The following PTPRT variants were observed in gnomAD, a reference collection of about 807,000 sequenced individuals.
PTPRT encodes protein tyrosine phosphatase receptor type T.
A neutral mutation model predicts 176.8 loss-of-function variants in PTPRT; 56 were observed. That is an observed-to-expected ratio of 0.32 (90% CI 0.26 to 0.40). The LOEUF is 0.40. Among genes scored for constraint, PTPRT ranks in the 10% least tolerant of loss-of-function variants. PTPRT has a pLI of 1.00. For missense variants in PTPRT, 1,540 were observed against 1,908.2 expected, an observed-to-expected ratio of 0.81 and a Z score of 3.60; for synonymous variants, 783 against 739.0, an observed-to-expected ratio of 1.06 and a Z score of -0.96.
chr20:42,347,535 C>T (rs1377311327), intron 11 of PTPRT, among the ~76,000 whole-genome samples: 1 of 152,174 alleles, frequency 6.6e-6, no homozygotes, highest in African/African-American at 2.4e-5. Context: ...CCGAGCACAC[C>T]AGATGCACCA....
At chr20:42,259,562 G>A (rs1432518730) in intron 13 of PTPRT, among the ~76,000 whole-genome samples, 1 of 152,232 alleles carries the variant, frequency 6.6e-6, no homozygotes, top group Non-Finnish European at 1.5e-5. Context: ...AGAGGATTCA[G>A]TCTGTGGTAA....
chr20:42,584,466 C>T (rs1168499327), intron 7 of PTPRT, among the ~76,000 whole-genome samples: 1 of 152,146 alleles, frequency 6.6e-6, no homozygotes, highest in Non-Finnish European at 1.5e-5. Context: ...GGCATGGTCC[C>T]TGGCTTCATG....
intron 1 of PTPRT, among the ~76,000 whole-genome samples, chr20:42,973,164 A>C (rs970053866): frequency 6.6e-6 from 1 of 151,830 alleles, no homozygotes; most frequent in African/African-American, 2.4e-5. Flanking sequence ...TGGAGCCAAG[A>C]GTGTGAGAGG....
intron 7 of PTPRT, among the ~76,000 whole-genome samples, chr20:42,549,451 C>T (rs780045299): frequency 1.3e-5 from 2 of 151,890 alleles, no homozygotes; most frequent in Non-Finnish European, 2.9e-5. Flanking sequence ...GGGAGGGACA[C>T]GGGAGCAGAG....
chr20:43,130,972 A>G (rs1455395554), intron 1 of PTPRT, among the ~76,000 whole-genome samples: 1 of 152,208 alleles, frequency 6.6e-6, no homozygotes, highest in Non-Finnish European at 1.5e-5. Flanking sequence ...TCTAAATACA[A>G]ATGAAGCCAG....
intron 1 of PTPRT, among the ~76,000 whole-genome samples, chr20:42,922,322 T>A (rs984660670): frequency 2.0e-5 from 3 of 152,164 alleles, no homozygotes; most frequent in Non-Finnish European, 4.4e-5. Flanking sequence ...AGTCCTTGAA[T>A]TTCTTCTCTT....
chr20:42,586,080 T>A (rs532095058), intron 7 of PTPRT, among the ~76,000 whole-genome samples: 11 of 152,206 alleles, frequency 7.2e-5, no homozygotes, highest in African/African-American at 2.6e-4. Context: ...ATTTATAAAA[T>A]AGAAATATAA....
downstream of PTPRT, among the ~76,000 whole-genome samples, chr20:42,069,940 T>C (rs1376916435): frequency 6.6e-6 from 1 of 152,198 alleles, no homozygotes; most frequent in Non-Finnish European, 1.5e-5. Context: ...ATGTCTCTAC[T>C]GAATGTCAAT....
intron 8 of PTPRT, among the ~76,000 whole-genome samples, chr20:42,448,840 G>A (rs527782259): frequency 3.0e-4 from 44 of 147,326 alleles, no homozygotes; most frequent in African/African-American, 9.2e-4. Flanking sequence ...ACACTAACAC[G>A]AACGATAGTT....
chr20:42,121,047 G>T (rs1987561631), intron 19 of PTPRT, among the ~76,000 whole-genome samples: 1 of 152,122 alleles, frequency 6.6e-6, no homozygotes, highest in Admixed American at 6.5e-5. Flanking sequence ...TAGATGAACT[G>T]CCTCGAGGCC....
At chr20:43,187,569 A>C (rs1341500037) in intron 1 of PTPRT, among the ~76,000 whole-genome samples, 1 of 152,068 alleles carries the variant, frequency 6.6e-6, no homozygotes. Flanking sequence ...CAAATGTGTG[A>C]GGCTTAGAAT....
chr20:42,281,964 A>T (rs2057146392), intron 13 of PTPRT, among the ~76,000 whole-genome samples: 1 of 152,204 alleles, frequency 6.6e-6, no homozygotes. Context: ...GATGAGCCTG[A>T]ACAATGCTGC....
intron 7 of PTPRT, among the ~76,000 whole-genome samples, chr20:42,651,621 CA>C (rs2075032079): frequency 6.6e-6 from 1 of 152,118 alleles, no homozygotes; most frequent in Admixed American, 6.5e-5. Context: ...TAATGATATT[CA>C]AGGCAGGTTG....
chr20:42,692,864 A>G (rs2075813465), intron 6 of PTPRT, among the ~76,000 whole-genome samples: 1 of 152,214 alleles, frequency 6.6e-6, no homozygotes. Context: ...TACCCAATCA[A>G]TGGTAATAGA....
chr20:42,307,935 G>A (rs2057568262), intron 12 of PTPRT, among the ~76,000 whole-genome samples: 9 of 152,106 alleles, frequency 5.9e-5, no homozygotes, highest in Admixed American at 5.9e-4. Flanking sequence ...CAAAAGTGAC[G>A]GCTGGTCATT....
chr20:42,141,419 C>T (rs1369087305), intron 18 of PTPRT, among the ~76,000 whole-genome samples: 1 of 152,204 alleles, frequency 6.6e-6, no homozygotes, highest in Non-Finnish European at 1.5e-5. Flanking sequence ...CTTGGAGGAG[C>T]ATCATTCTCT....
At chr20:43,052,803 A>G (rs192002998) in intron 1 of PTPRT, among the ~76,000 whole-genome samples, 13 of 152,210 alleles carry the variant, frequency 8.5e-5, no homozygotes, top group African/African-American at 3.1e-4. Flanking sequence ...ATCTCCCCAA[A>G]TGCTCCCAGC....
At chr20:42,582,317 C>A (rs2073388125) in intron 7 of PTPRT, among the ~76,000 whole-genome samples, 1 of 152,202 alleles carries the variant, frequency 6.6e-6, no homozygotes, top group South Asian at 2.1e-4. Context: ...AGAGAATGAA[C>A]CTCAAACTCA....
chr20:42,695,600 C>T (rs1033966614), intron 6 of PTPRT, among the ~76,000 whole-genome samples: 2 of 152,016 alleles, frequency 1.3e-5, no homozygotes, highest in African/African-American at 4.8e-5. Context: ...AGATGGAAGA[C>T]CATACAATTT....
Sources: allele counts gnomAD v4.1 joint callset (sites outside exome capture counted in the v4.1 genomes callset), GRCh38; gene constraint gnomAD v4.1.1; transcripts MANE v1.5; gene names NCBI Gene and HGNC (gene_info 2026-07-23, HGNC 2026-07-21).